The following STX8 variants were observed in gnomAD, a reference collection of about 807,000 sequenced individuals.
STX8 encodes the protein syntaxin-8.
A neutral mutation model predicts 37.5 loss-of-function variants in STX8; 23 were observed. The ratio of observed to expected loss-of-function variants is 0.61; its 90% CI spans 0.44 to 0.87. STX8 has a LOEUF of 0.87. STX8 is among the 40% of genes least tolerant of loss of function. STX8 has a pLI of 0.00. For synonymous variants in STX8, 115 were observed against 99.1 expected (o/e 1.16, Z -0.95); for missense variants, 313 against 284.7 (o/e 1.10, Z -0.71).
chr17:9,307,692 G>C (rs962096803), intron 7 of STX8, among the ~76,000 whole-genome samples: 1 of 152,094 alleles, frequency 6.6e-6, no homozygotes, highest in Non-Finnish European at 1.5e-5. Flanking sequence ...CGATACCCCA[G>C]AGTATGGCAC....
intron 7 of STX8, among the ~76,000 whole-genome samples, chr17:9,325,837 A>T (rs1191968593): frequency 6.6e-6 from 1 of 152,250 alleles, no homozygotes; most frequent in Non-Finnish European, 1.5e-5. Flanking sequence ...CCTTCCTACC[A>T]GCTAGAGCGT....
intron 7 of STX8, among the ~76,000 whole-genome samples, chr17:9,289,158 G>A (rs1272141638): frequency 6.6e-6 from 1 of 152,176 alleles, no homozygotes; most frequent in African/African-American, 2.4e-5. Context: ...ATTGTTTCCG[G>A]CCTAAAATTT....
At chr17:9,281,891 A>ACG (rs1907898262) in intron 7 of STX8, among the ~76,000 whole-genome samples, 1 of 152,060 alleles carries the variant, frequency 6.6e-6, no homozygotes, top group African/African-American at 2.4e-5. Context: ...CTGAGATTGC[A>ACG]CCACTGCACT....
chr17:9,414,139 C>A (rs1913094904), intron 6 of STX8, among the ~76,000 whole-genome samples: 2 of 146,348 alleles, frequency 1.4e-5, no homozygotes, highest in Non-Finnish European at 3.0e-5. Context: ...ACCATCCATC[C>A]ATCCATCCAT....
intron 6 of STX8, among the ~76,000 whole-genome samples, chr17:9,449,224 T>C (rs966049519): frequency 6.6e-6 from 1 of 152,182 alleles, no homozygotes; most frequent in African/African-American, 2.4e-5. Flanking sequence ...TAGTCAAAAC[T>C]GCCACAAACT....
chr17:9,418,912 CTTTTTTTTTCTTTT>C (rs1567551826), intron 6 of STX8, among the ~76,000 whole-genome samples: 4 of 127,802 alleles, frequency 3.1e-5, no homozygotes, highest in African/African-American at 1.2e-4. Context: ...ACCCCCCCCT[CTTTTTTTTTCTTTT>C]TTTTTTTTTT....
chr17:9,349,957 C>T (rs1184843962), intron 7 of STX8, among the ~76,000 whole-genome samples: 2 of 152,134 alleles, frequency 1.3e-5, no homozygotes, highest in Non-Finnish European at 2.9e-5. Flanking sequence ...GACTGGCCCT[C>T]AAACTCCTGG....
chr17:9,573,314 C>T (rs915865648), intron 1 of STX8, among the ~76,000 whole-genome samples: 3 of 152,258 alleles, frequency 2.0e-5, no homozygotes, highest in Admixed American at 6.5e-5. Context: ...AAGCCTGCTA[C>T]CCAGAGGCTT....
chr17:9,382,092 G>A (rs1309251221), intron 6 of STX8, among the ~76,000 whole-genome samples: 2 of 151,632 alleles, frequency 1.3e-5, no homozygotes, highest in Non-Finnish European at 2.9e-5. Flanking sequence ...ATATTTCAAT[G>A]AATTAAAATA....
chr17:9,325,904 T>A (rs2142210522), intron 7 of STX8, among the ~76,000 whole-genome samples: 1 of 151,766 alleles, frequency 6.6e-6, no homozygotes, highest in South Asian at 2.1e-4. Context: ...GAAAGGAGAG[T>A]GGAAAATTCA....
At chr17:9,333,427 A>G (rs557174626) in intron 7 of STX8, among the ~76,000 whole-genome samples, 62 of 152,310 alleles carry the variant, frequency 4.1e-4, no homozygotes, top group South Asian at 1.2e-3. Context: ...TTGCTCTGTC[A>G]CCCAGGCTGG....
At chr17:9,566,172 A>T (rs990932888) in intron 2 of STX8, among the ~76,000 whole-genome samples, 4 of 152,196 alleles carry the variant, frequency 2.6e-5, no homozygotes, top group Admixed American at 2.6e-4. Flanking sequence ...TCAAAGGAAG[A>T]CAGGCATGCT....
At chr17:9,474,256 G>A (rs1906005660) in intron 6 of STX8, among the ~76,000 whole-genome samples, 2 of 152,258 alleles carry the variant, frequency 1.3e-5, no homozygotes, top group South Asian at 4.1e-4. Context: ...CCATTTGACT[G>A]TCCCCGAGTT....
chr17:9,336,197 A>G (rs975609282), intron 7 of STX8, among the ~76,000 whole-genome samples: 6 of 152,208 alleles, frequency 3.9e-5, no homozygotes, highest in African/African-American at 1.4e-4. Context: ...CACCTTGTAG[A>G]AAAGCAAGTG....
At chr17:9,404,332 C>T (rs1912733369) in intron 6 of STX8, among the ~76,000 whole-genome samples, 1 of 152,058 alleles carries the variant, frequency 6.6e-6, no homozygotes, top group Non-Finnish European at 1.5e-5. Context: ...CTGTAATTTG[C>T]CTGACTTCTT....
At chr17:9,535,589 C>T (rs1391034641) in intron 4 of STX8, among the ~76,000 whole-genome samples, 2 of 151,682 alleles carry the variant, frequency 1.3e-5, no homozygotes, top group Non-Finnish European at 2.9e-5. Flanking sequence ...CCCGCCACCA[C>T]GCCTGGCTAA....
chr17:9,506,531 C>T (rs112233548), intron 4 of STX8, among the ~76,000 whole-genome samples: 10,511 of 151,338 alleles, frequency 0.069, 1,271 homozygotes, highest in African/African-American at 0.24. Context: ...CCTGTGGTGA[C>T]TGAAAGTCTA....
intron 7 of STX8, among the ~76,000 whole-genome samples, chr17:9,363,097 G>C (rs1911121329): frequency 6.6e-6 from 1 of 152,154 alleles, no homozygotes; most frequent in African/African-American, 2.4e-5. Flanking sequence ...CAGTGTGGTG[G>C]TTAATTCTCT....
At chr17:9,435,523 C>T (rs756340060) in intron 6 of STX8, among the ~76,000 whole-genome samples, 5 of 152,130 alleles carry the variant, frequency 3.3e-5, no homozygotes, top group Non-Finnish European at 7.3e-5. Context: ...TGAAAACATG[C>T]CCTGTTTCCC....
Sources: gnomAD v4.1 joint callset for allele counts (sites outside exome capture counted in the v4.1 genomes callset) on GRCh38, gnomAD v4.1.1 for gene constraint, MANE v1.5 for transcripts, NCBI Gene and HGNC (gene_info 2026-07-23, HGNC 2026-07-21) for gene names.